LRFN5: variants seen among roughly 807,000 people sequenced by gnomAD.
The protein encoded by LRFN5 is leucine-rich repeat and fibronectin type-III domain-containing protein 5.
A neutral mutation model predicts 45.6 loss-of-function variants in LRFN5; 24 were observed. The observed-to-expected ratio is 0.53, with a 90% confidence interval of 0.38 to 0.74. LRFN5 has a LOEUF of 0.74. Among genes scored for constraint, LRFN5 ranks in the 30% least tolerant of loss-of-function variants. The pLI, the probability that LRFN5 is intolerant of heterozygous loss-of-function variation, is 0.00. For missense variants in LRFN5, 776 were observed against 861.5 expected (o/e 0.90, Z 1.24); for synonymous variants, 340 against 313.8 (o/e 1.08, Z -0.88).
chr14:41,724,643 G>A (rs1023343256), intron 1 of LRFN5, among the ~76,000 whole-genome samples: 7 of 151,922 alleles, frequency 4.6e-5, no homozygotes, highest in Non-Finnish European at 7.4e-5. Flanking sequence ...TTATCTTTGT[G>A]TAATATAATA....
At chr14:41,835,026 A>G (rs867227452) in intron 2 of LRFN5, among the ~76,000 whole-genome samples, 13 of 149,256 alleles carry the variant, frequency 8.7e-5, no homozygotes, top group Middle Eastern at 7.0e-3. Context: ...AAAAAAAAAC[A>G]TGAAATAGAA....
At chr14:41,883,370 C>T (rs1322905674) in intron 2 of LRFN5, among the ~76,000 whole-genome samples, 11 of 152,008 alleles carry the variant, frequency 7.2e-5, no homozygotes, top group Admixed American at 7.2e-4. Flanking sequence ...TAAAATATTG[C>T]ATACATATCT....
chr14:41,645,077 C>T (rs187987776), intron 1 of LRFN5, among the ~76,000 whole-genome samples: 9 of 152,262 alleles, frequency 5.9e-5, no homozygotes, highest in Non-Finnish European at 1.2e-4. Flanking sequence ...ATGAGCTTAG[C>T]GTCTTTTATG....
intron 1 of LRFN5, among the ~76,000 whole-genome samples, chr14:41,679,221 G>A (rs1881775883): frequency 6.6e-6 from 1 of 152,130 alleles, no homozygotes; most frequent in African/African-American, 2.4e-5. Flanking sequence ...AGCTGTGCTG[G>A]GCTCAAAGCC....
intron 1 of LRFN5, among the ~76,000 whole-genome samples, chr14:41,729,478 T>C (rs947767961): frequency 4.6e-5 from 7 of 152,114 alleles, no homozygotes; most frequent in African/African-American, 1.7e-4. Context: ...TATAAATTTC[T>C]TTATAAATTT....
chr14:41,731,010 CA>C (rs1317110186), intron 1 of LRFN5, among the ~76,000 whole-genome samples: 2 of 151,854 alleles, frequency 1.3e-5, no homozygotes, highest in Non-Finnish European at 2.9e-5. Flanking sequence ...TTTTTAAAAA[CA>C]AAAGGAAATT....
chr14:41,660,670 A>G (rs1172447352), intron 1 of LRFN5, among the ~76,000 whole-genome samples: 1 of 151,934 alleles, frequency 6.6e-6, no homozygotes, highest in Non-Finnish European at 1.5e-5. Flanking sequence ...ACTATCCTGG[A>G]GTGCTTGTAA....
At chr14:41,652,611 A>G (rs1327627270) in intron 1 of LRFN5, among the ~76,000 whole-genome samples, 1 of 152,064 alleles carries the variant, frequency 6.6e-6, no homozygotes, top group Non-Finnish European at 1.5e-5. Flanking sequence ...ACCAGGGAAA[A>G]CCTCCTTCAG....
At chr14:41,690,534 G>A (rs575490573) in intron 1 of LRFN5, among the ~76,000 whole-genome samples, 1 of 152,258 alleles carries the variant, frequency 6.6e-6, no homozygotes, top group South Asian at 2.1e-4. Flanking sequence ...CAGCCTAGGT[G>A]ACAAAGCAAC....
chr14:41,886,568 C>T (rs721222), intron 2 of LRFN5, 38 bp from the exon 3 acceptor site: 902,596 of 1,306,326 alleles, frequency 0.69, 313,574 homozygotes, highest in Middle Eastern at 0.83. Context: ...AATTAAATCA[C>T]TGGATGCTAA....
chr14:41,782,270 T>C (rs1174522882), intron 2 of LRFN5, among the ~76,000 whole-genome samples: 2 of 152,010 alleles, frequency 1.3e-5, no homozygotes, highest in Admixed American at 6.6e-5. Context: ...GGAGTTTCTA[T>C]TGACATTTCT....
intron 1 of LRFN5, chr14:41,700,319 T>TTGATGAA (rs1005844622): frequency 6.6e-6 from 1 of 152,092 alleles, no homozygotes; most frequent in Non-Finnish European, 1.5e-5. Context: ...TTTGAAGTTT[T>TTGATGAA]TGATGAATGT....
At chr14:41,714,229 A>G (rs73297738) in intron 1 of LRFN5, among the ~76,000 whole-genome samples, 6,945 of 152,208 alleles carry the variant, frequency 0.046, 518 homozygotes, top group African/African-American at 0.16. Context: ...AATCATAATT[A>G]TCATCCTCTT....
chr14:41,883,632 C>T (rs1278510303), intron 2 of LRFN5, among the ~76,000 whole-genome samples: 1 of 152,180 alleles, frequency 6.6e-6, no homozygotes, highest in Non-Finnish European at 1.5e-5. Flanking sequence ...CATTATCTTC[C>T]ATCTCACTTT....
intron 2 of LRFN5, among the ~76,000 whole-genome samples, chr14:41,815,395 A>C (rs1395033399): frequency 1.3e-5 from 2 of 152,078 alleles, no homozygotes; most frequent in African/African-American, 4.8e-5. Context: ...TGATGTATGG[A>C]TCTCCACTTA....
intron 1 of LRFN5, among the ~76,000 whole-genome samples, chr14:41,756,503 C>G (rs978994972): frequency 6.6e-6 from 1 of 152,140 alleles, no homozygotes; most frequent in Non-Finnish European, 1.5e-5. Context: ...CTTCTCGCTT[C>G]ATTTCATCTT....
intron 1 of LRFN5, among the ~76,000 whole-genome samples, chr14:41,728,858 A>G (rs1352905428): frequency 6.6e-6 from 1 of 152,198 alleles, no homozygotes; most frequent in Non-Finnish European, 1.5e-5. Context: ...TCCATCAAAA[A>G]TTGATCAAGC....
At chr14:41,832,296 T>G (rs1376946162) in intron 2 of LRFN5, among the ~76,000 whole-genome samples, 1 of 152,170 alleles carries the variant, frequency 6.6e-6, no homozygotes, top group African/African-American at 2.4e-5. Flanking sequence ...TTTCCATTGG[T>G]TAATCACAGG....
intron 2 of LRFN5, among the ~76,000 whole-genome samples, chr14:41,829,009 A>G (rs1389412115): frequency 6.6e-6 from 1 of 151,834 alleles, no homozygotes; most frequent in South Asian, 2.1e-4. Context: ...TCCTTCTCCC[A>G]CATTTTATGA....
Sources: gnomAD v4.1 joint callset for allele counts (sites outside exome capture counted in the v4.1 genomes callset) on GRCh38, gnomAD v4.1.1 for gene constraint, MANE v1.5 for transcripts, NCBI Gene and HGNC (gene_info 2026-07-23, HGNC 2026-07-21) for gene names.